GPHN: variants seen among roughly 807,000 people sequenced by gnomAD.
The protein encoded by GPHN is gephyrin.
In GPHN, 17 loss-of-function variants were observed where a neutral mutation model predicts 95.5. The observed-to-expected ratio is 0.18, with a 90% CI of 0.12 to 0.27. The LOEUF (loss-of-function observed/expected upper bound fraction) is 0.27. Among genes scored for constraint, GPHN ranks in the 10% least tolerant of loss-of-function variants. The pLI is 1.00. For synonymous variants in GPHN, 320 were observed against 322.5 expected (o/e 0.99, Z 0.08); for missense variants, 660 against 978.1 (o/e 0.67, Z 4.34).
the GPHN span, among the ~76,000 whole-genome samples, chr14:67,628,108 A>G: frequency 6.6e-6 from 1 of 152,214 alleles, no homozygotes; most frequent in Admixed American, 6.5e-5. Context: ...GCATGAGCTG[A>G]TAAGTGGCAT....
At chr14:67,045,720 T>A in intron 10 of GPHN, among the ~76,000 whole-genome samples, 1 of 151,674 alleles carries the variant, frequency 6.6e-6, no homozygotes. Flanking sequence ...TCTCTCTCTC[T>A]GTCTGTCTCT....
chr14:66,707,310 TGG>T (rs1440616916), intron 2 of GPHN, among the ~76,000 whole-genome samples: 1 of 152,198 alleles, frequency 6.6e-6, no homozygotes, highest in African/African-American at 2.4e-5. Flanking sequence ...ATTCCATTAC[TGG>T]GTATATACCC....
At chr14:67,016,339 T>C (rs962573064) in intron 9 of GPHN, among the ~76,000 whole-genome samples, 5 of 151,982 alleles carry the variant, frequency 3.3e-5, no homozygotes, top group Admixed American at 6.5e-5. Context: ...TAATAATAAA[T>C]GCCTATTTTT....
At chr14:67,273,117 C>CTT in the GPHN span, among the ~76,000 whole-genome samples, 2 of 143,068 alleles carry the variant, frequency 1.4e-5, no homozygotes, top group Non-Finnish European at 3.1e-5. Context: ...ATATTTCTTT[C>CTT]TTTTTTTTTT....
At chr14:67,581,189 G>T in the GPHN span, among the ~76,000 whole-genome samples, 1 of 152,072 alleles carries the variant, frequency 6.6e-6, no homozygotes, top group Non-Finnish European at 1.5e-5. Context: ...GTGCAGGCGG[G>T]CTCTGCTGCT....
intron 2 of GPHN, among the ~76,000 whole-genome samples, chr14:66,703,182 T>C (rs1351597419): frequency 6.6e-6 from 1 of 152,086 alleles, no homozygotes; most frequent in African/African-American, 2.4e-5. Flanking sequence ...CTGGAATACC[T>C]GAAGGAGATG....
At chr14:67,060,650 G>T (rs1359505535) in intron 11 of GPHN, among the ~76,000 whole-genome samples, 1 of 152,232 alleles carries the variant, frequency 6.6e-6, no homozygotes, top group East Asian at 1.9e-4. Context: ...ATAGGCTAGT[G>T]CAGAAGAGAT....
chr14:66,812,023 G>A (rs1442794049), intron 3 of GPHN, among the ~76,000 whole-genome samples: 1 of 152,196 alleles, frequency 6.6e-6, no homozygotes, highest in African/African-American at 2.4e-5. Flanking sequence ...CCCCAATCTG[G>A]CCTAACTGGC....
chr14:67,089,133 C>CTTGTTTTTTTTTTTTTTTTTTT, intron 12 of GPHN, 58 bp downstream of exon 12: 1 of 198,576 alleles, frequency 5.0e-6, no homozygotes, highest in Non-Finnish European at 7.8e-6. Flanking sequence ...TTCTTTTTTT[C>CTTGTTTTTTTTTTTTTTTTTTT]TTTTTTTTTT....
intron 9 of GPHN, among the ~76,000 whole-genome samples, chr14:66,997,324 G>A (rs897764685): frequency 2.7e-5 from 4 of 149,190 alleles, no homozygotes; most frequent in Admixed American, 6.7e-5. Context: ...CCAAGATCGT[G>A]CAATTGCACT....
At chr14:67,283,689 G>A in the GPHN span, among the ~76,000 whole-genome samples, 3 of 152,002 alleles carry the variant, frequency 2.0e-5, no homozygotes, top group Non-Finnish European at 2.9e-5. Context: ...AGAATTCTGT[G>A]ATTTAGTCAG....
At chr14:66,587,403 C>A (rs2061465609) in intron 1 of GPHN, among the ~76,000 whole-genome samples, 1 of 152,050 alleles carries the variant, frequency 6.6e-6, no homozygotes, top group African/African-American at 2.4e-5. Flanking sequence ...ACCCTGATAC[C>A]ATAGACAAAC....
At chr14:67,026,441 CT>C (rs1000376992) in intron 10 of GPHN, among the ~76,000 whole-genome samples, 1 of 152,022 alleles carries the variant, frequency 6.6e-6, no homozygotes, top group African/African-American at 2.4e-5. Flanking sequence ...GTATTAAATA[CT>C]TTTCTACATG....
At chr14:66,681,922 A>G (rs770856047) in intron 2 of GPHN, among the ~76,000 whole-genome samples, 12 of 152,220 alleles carry the variant, frequency 7.9e-5, no homozygotes, top group African/African-American at 1.7e-4. Flanking sequence ...GGTGCCTTCT[A>G]TAATGATACA....
At chr14:66,935,524 A>G (rs1276735763) in intron 8 of GPHN, among the ~76,000 whole-genome samples, 1 of 151,202 alleles carries the variant, frequency 6.6e-6, no homozygotes, top group Non-Finnish European at 1.5e-5. Flanking sequence ...TATAAAACAA[A>G]CATGCTGTAT....
At chr14:66,947,321 C>G (rs562898700) in intron 8 of GPHN, among the ~76,000 whole-genome samples, 27 of 152,326 alleles carry the variant, frequency 1.8e-4, no homozygotes, top group Non-Finnish European at 3.2e-4. Flanking sequence ...CACTGCCCAC[C>G]TAAATTATGC....
chr14:67,065,872 G>A (rs2076036830), intron 11 of GPHN, among the ~76,000 whole-genome samples: 1 of 151,748 alleles, frequency 6.6e-6, no homozygotes, highest in African/African-American at 2.4e-5. Context: ...CACATTGATG[G>A]GGCTTGACTC....
intron 2 of GPHN, among the ~76,000 whole-genome samples, chr14:66,708,807 A>C (rs10132505): frequency 0.31 from 47,809 of 151,968 alleles, 11,518 homozygotes; most frequent in African/African-American, 0.65. Context: ...ATATGGTTGC[A>C]TGTTTTTCTT....
chr14:66,919,739 C>A (rs1265837991), intron 6 of GPHN, among the ~76,000 whole-genome samples: 1 of 152,062 alleles, frequency 6.6e-6, no homozygotes, highest in Non-Finnish European at 1.5e-5. Flanking sequence ...CATGGAAGGC[C>A]CCCAGTTGCT....
Sources: allele counts gnomAD v4.1 joint callset (sites outside exome capture counted in the v4.1 genomes callset), GRCh38; gene constraint gnomAD v4.1.1; transcripts MANE v1.5; gene names NCBI Gene and HGNC (gene_info 2026-07-23, HGNC 2026-07-21).